RGS6: variants seen among roughly 807,000 people sequenced by gnomAD.
The protein encoded by RGS6 is regulator of G-protein signaling 6.
RGS6 carries 30 observed loss-of-function variants against 78.5 expected under a neutral mutation model. The observed-to-expected ratio is 0.38, with a 90% CI of 0.29 to 0.52. The LOEUF is 0.52. Among genes scored for constraint, RGS6 ranks in the 20% least tolerant of loss-of-function variants. The pLI is 0.85. For missense variants in RGS6, 495 were observed against 609.7 expected, an observed-to-expected ratio of 0.81 and a Z score of 1.98; for synonymous variants, 206 against 206.0, an observed-to-expected ratio of 1.00 and a Z score of 0.00.
intron 3 of RGS6, among the ~76,000 whole-genome samples, chr14:72,390,594 C>G (rs759643335): frequency 1.2e-4 from 18 of 152,126 alleles, no homozygotes; most frequent in Non-Finnish European, 2.2e-4. Context: ...CACACACACA[C>G]ACACAAATGT....
chr14:72,416,632 A>C (rs977537095), intron 3 of RGS6, among the ~76,000 whole-genome samples: 2 of 152,194 alleles, frequency 1.3e-5, no homozygotes, highest in Non-Finnish European at 2.9e-5. Context: ...AGCAGTAGAC[A>C]CCTGACCTTA....
At chr14:72,055,798 A>G (rs1166422096) in intron 2 of RGS6, among the ~76,000 whole-genome samples, 2 of 152,230 alleles carry the variant, frequency 1.3e-5, no homozygotes, top group South Asian at 2.1e-4. Flanking sequence ...TTTCTAAAGT[A>G]CAAAGTTTGC....
intron 2 of RGS6, among the ~76,000 whole-genome samples, chr14:72,224,183 C>A (rs1421589827): frequency 3.3e-5 from 5 of 152,160 alleles, no homozygotes. Flanking sequence ...CGTTGGGAGG[C>A]CAAGGTGGGC....
downstream of RGS6, among the ~76,000 whole-genome samples, chr14:72,568,334 G>A (rs1323136094): frequency 1.4e-4 from 22 of 152,214 alleles, no homozygotes; most frequent in Admixed American, 1.4e-3. Flanking sequence ...TCACGAAATG[G>A]GTGCTGGTGT....
rs1489630461 is a variant in RGS6 at position 72,518,479 on chromosome 14, A to G, written c.1220A>G (p.Tyr407Cys). The G allele has an allele frequency of 6.2e-7, 1 of 1,614,238 alleles. No individual in the cohort carries two copies. The highest frequency in any genetic ancestry group is 8.5e-7 in the Non-Finnish European group (1 of 1,180,034). Residue 407 changes from tyrosine to cysteine, a missense_variant, in exon 15 of 18, where the codon TAT becomes TGT. Physicochemically the swap from Tyr to Cys is radical, Grantham distance 194. Coordinates refer to ENST00000553525, the MANE Select transcript of RGS6 (RefSeq NM_001204424.2). ...GCAATCAACCTGGATTCTCACAGCTATGAGATAACCAGTCAAAATGTCAAA... is the reference window on the plus strand; with the variant it reads ...GCAATCAACCTGGATTCTCACAGCTGTGAGATAACCAGTCAAAATGTCAAA... ...PSAINLDSHS[Y>C]EITSQNVKDG...
intron 2 of RGS6, among the ~76,000 whole-genome samples, chr14:72,268,283 T>C (rs967342539): frequency 6.6e-6 from 1 of 152,076 alleles, no homozygotes; most frequent in Admixed American, 6.5e-5. Flanking sequence ...TGAATGTGAG[T>C]TGTTAAAGGT....
chr14:72,364,020 A>AAC (rs1461596276), intron 3 of RGS6, among the ~76,000 whole-genome samples: 2 of 150,606 alleles, frequency 1.3e-5, no homozygotes, highest in Non-Finnish European at 3.0e-5. Flanking sequence ...AAAAAAAAAA[A>AAC]AAAAAACTCT....
At chr14:72,318,629 A>G (rs926720096) in intron 2 of RGS6, among the ~76,000 whole-genome samples, 2 of 152,216 alleles carry the variant, frequency 1.3e-5, no homozygotes, top group South Asian at 2.1e-4. Flanking sequence ...CTAAGAGACA[A>G]TCACTATGAT....
At position 72,471,492 on chromosome 14, in the gene RGS6, A is replaced by G. The variant is rs554002900; in HGVS notation, c.537-1380A>G. On this transcript the variant is annotated intron_variant, in intron 8 of 17. Transcript: ENST00000553525. ...TATGTTTCCTCTGGGTACCACCTGC[A>G]TGTGAGCAGCCGCTGAGTCTTCAGA... Among the ~76,000 whole-genome samples, 45 of 152,328 alleles carry G rather than the reference A, an allele frequency of 3.0e-4. 1 individual carries two copies. Among genetic ancestry groups the G allele is most frequent in the South Asian group, 6.2e-4 (3 of 4,818 alleles).
At chr14:72,320,661 A>T (rs1386935365) in intron 2 of RGS6, among the ~76,000 whole-genome samples, 1 of 151,684 alleles carries the variant, frequency 6.6e-6, no homozygotes, top group Non-Finnish European at 1.5e-5. Flanking sequence ...ACCATGGCAA[A>T]AGGATTTTCA....
intron 3 of RGS6, among the ~76,000 whole-genome samples, chr14:72,433,333 CG>C (rs2094741552): frequency 6.8e-6 from 1 of 146,124 alleles, no homozygotes; most frequent in African/African-American, 2.5e-5. Flanking sequence ...TGGGGCCTGT[CG>C]GGGGTTGGGG....
intron 2 of RGS6, among the ~76,000 whole-genome samples, chr14:72,087,559 G>T (rs1042306362): frequency 1.3e-5 from 2 of 151,714 alleles, no homozygotes; most frequent in African/African-American, 4.8e-5. Context: ...GAAAAAGGAA[G>T]CTCCAGAGAA....
intron 2 of RGS6, among the ~76,000 whole-genome samples, chr14:72,019,033 A>G (rs2087745529): frequency 1.3e-5 from 2 of 152,170 alleles, no homozygotes; most frequent in African/African-American, 2.4e-5. Context: ...TAAAACCCAA[A>G]TAAAACAAAA....
chr14:72,427,102 G>T (rs2153138221), intron 3 of RGS6, among the ~76,000 whole-genome samples: 1 of 152,314 alleles, frequency 6.6e-6, no homozygotes, highest in African/African-American at 2.4e-5. Flanking sequence ...GAGTCATCTT[G>T]AAAGTACTGT....
intron 2 of RGS6, among the ~76,000 whole-genome samples, chr14:71,982,510 A>C (rs1032716729): frequency 6.6e-6 from 1 of 152,172 alleles, no homozygotes; most frequent in Non-Finnish European, 1.5e-5. Flanking sequence ...AGTTCTTCTT[A>C]GGGCTAGATA....
At chr14:72,007,628 C>T (rs2153225870) in intron 2 of RGS6, among the ~76,000 whole-genome samples, 1 of 152,240 alleles carries the variant, frequency 6.6e-6, no homozygotes, top group East Asian at 1.9e-4. Flanking sequence ...CGGACCAAGA[C>T]AGTTCTTCTT....
At chr14:71,934,931 A>G (rs1168274687) in intron 1 of RGS6, among the ~76,000 whole-genome samples, 3 of 152,244 alleles carry the variant, frequency 2.0e-5, no homozygotes, top group African/African-American at 7.2e-5. Flanking sequence ...TGTGTCACAT[A>G]AACATTTTTC....
chr14:71,922,272 T>C, the RGS6 span, among the ~76,000 whole-genome samples: 3 of 152,234 alleles, frequency 2.0e-5, no homozygotes, highest in Admixed American at 1.3e-4. Flanking sequence ...CAGCTAAATG[T>C]TATTCTGAAC....
chr14:72,111,941 G>A (rs2095774413), intron 2 of RGS6, among the ~76,000 whole-genome samples: 1 of 152,216 alleles, frequency 6.6e-6, no homozygotes, highest in African/African-American at 2.4e-5. Flanking sequence ...AGCCGGATAG[G>A]TTGCTCTCTA....
Sources: allele counts gnomAD v4.1 joint callset (sites outside exome capture counted in the v4.1 genomes callset), GRCh38; gene constraint gnomAD v4.1.1; transcripts MANE v1.5; gene names NCBI Gene and HGNC (gene_info 2026-07-23, HGNC 2026-07-21).